The following GRIN2A variants were observed in gnomAD, a reference collection of about 807,000 sequenced individuals.
GRIN2A encodes the protein glutamate receptor ionotropic, NMDA 2A.
Under a neutral mutation model 113.4 loss-of-function variants are expected in GRIN2A, and 22 were observed. The observed-to-expected ratio is 0.19, with a 90% CI of 0.14 to 0.28. The LOEUF (loss-of-function observed/expected upper bound fraction) is 0.28, where lower values mean the gene tolerates loss of function less well. Among genes scored for constraint, GRIN2A ranks in the 10% least tolerant of loss-of-function variants. The pLI is 1.00. For synonymous variants in GRIN2A, 827 were observed against 738.4 expected, an observed-to-expected ratio of 1.12 and a Z score of -1.94; for missense variants, 1,502 against 1,887.0, an observed-to-expected ratio of 0.80 and a Z score of 3.78.
At chr16:9,914,204 A>C (rs1350781441) in intron 3 of GRIN2A, among the ~76,000 whole-genome samples, 1 of 152,216 alleles carries the variant, frequency 6.6e-6, no homozygotes, top group African/African-American at 2.4e-5. Flanking sequence ...ATTTAAAAAA[A>C]CGGCAAATCT....
chr16:10,079,432 A>G (rs1009833169), intron 2 of GRIN2A, among the ~76,000 whole-genome samples: 2 of 152,166 alleles, frequency 1.3e-5, no homozygotes, highest in African/African-American at 2.4e-5. Flanking sequence ...GGTAGGCACT[A>G]TGGTCTGAAT....
At chr16:9,875,968 T>C (rs1173454330) in intron 4 of GRIN2A, among the ~76,000 whole-genome samples, 1 of 152,154 alleles carries the variant, frequency 6.6e-6, no homozygotes, top group Non-Finnish European at 1.5e-5. Context: ...AGTTCCCTGT[T>C]GGTAGAAGAG....
At position 10,113,543 on chromosome 16, in the gene GRIN2A, T is replaced by C. The variant is rs148268627; in HGVS notation, c.414+66455A>G. ...TTGAAGGCTTTAACTTTGCACATTT[T>C]GGGATCACAGTTACATCACTGTGTA... On this transcript the variant is annotated intron_variant, in intron 2 of 12. Coordinates refer to ENST00000330684, the MANE Select transcript of GRIN2A (RefSeq NM_001134407.3). Among the ~76,000 whole-genome samples the C allele has an allele frequency of 3.1e-3, 471 of 152,370 alleles. 1 individual carries two copies. The highest frequency in any genetic ancestry group is 0.011 in the African/African-American group (443 of 41,594).
intron 11 of GRIN2A, among the ~76,000 whole-genome samples, chr16:9,792,238 T>C (rs1322057291): frequency 6.6e-6 from 1 of 152,148 alleles, no homozygotes; most frequent in African/African-American, 2.4e-5. Flanking sequence ...TAATTATTTT[T>C]TGGAGACAAG....
Position 10,020,146 on chromosome 16 carries a change from G to C in GRIN2A, c.415-81595C>G, listed in dbSNP as rs546625127. On this transcript the variant is annotated intron_variant, in intron 2 of 12. Transcript: ENST00000330684. ...ATGAAAAGATGGGCCAGGTGCAGTG[G>C]CTCACGCCTGTAATCCCAGCACTTT... Among the ~76,000 whole-genome samples the C allele has an allele frequency of 1.0e-3, 157 of 152,316 alleles. 1 individual carries two copies. The highest frequency in any genetic ancestry group is 3.6e-3 in the African/African-American group (151 of 41,560).
intron 4 of GRIN2A, among the ~76,000 whole-genome samples, chr16:9,862,054 C>A (rs539781747): frequency 6.6e-6 from 1 of 152,294 alleles, no homozygotes; most frequent in Non-Finnish European, 1.5e-5. Context: ...GACTTTTCAA[C>A]CAGCGTCCTA....
At chr16:10,104,349 G>T (rs936031412) in intron 2 of GRIN2A, among the ~76,000 whole-genome samples, 3 of 152,140 alleles carry the variant, frequency 2.0e-5, no homozygotes, top group African/African-American at 7.2e-5. Flanking sequence ...TGAGGGAAAT[G>T]GTGGCAGCAA....
At chr16:9,870,628 C>CTTTTTTT (rs951273100) in intron 4 of GRIN2A, among the ~76,000 whole-genome samples, 2 of 138,194 alleles carry the variant, frequency 1.4e-5, no homozygotes, top group African/African-American at 2.7e-5. Flanking sequence ...AACTTTTTTT[C>CTTTTTTT]TTTTTTTTTT....
rs570502738 is a variant in GRIN2A at position 9,794,383 on chromosome 16, C to T, written c.2356+3894G>A. Among the ~76,000 whole-genome samples, 12 of 152,322 alleles carry T rather than the reference C, an allele frequency of 7.9e-5. No individual in the cohort carries two copies. In the East Asian group the frequency reaches 2.1e-3, roughly 27 times the overall value. ...TGTAACAAGAGATAAACACTCCATT[C>T]TAGAGGATGAATAATTAGGTACTGC... On this transcript the variant is annotated intron_variant, in intron 11 of 12. Coordinates refer to ENST00000330684, the MANE Select transcript of GRIN2A (RefSeq NM_001134407.3).
At chr16:9,875,370 T>C (rs2043344345) in intron 4 of GRIN2A, among the ~76,000 whole-genome samples, 1 of 152,138 alleles carries the variant, frequency 6.6e-6, no homozygotes, top group South Asian at 2.1e-4. Context: ...TCTCCCCCTG[T>C]TCCAAACCAG....
At chr16:9,882,359 G>T (rs1020966512) in intron 4 of GRIN2A, among the ~76,000 whole-genome samples, 2 of 152,176 alleles carry the variant, frequency 1.3e-5, no homozygotes, top group African/African-American at 4.8e-5. Flanking sequence ...CATAGCTTTT[G>T]TAAGATCTCC....
chr16:10,161,583 C>T (rs1404996167), intron 2 of GRIN2A, among the ~76,000 whole-genome samples: 4 of 152,270 alleles, frequency 2.6e-5, no homozygotes, highest in East Asian at 1.9e-4. Context: ...ATGTGCAGAG[C>T]GTGTGTTTAT....
rs2048112502 is a variant in GRIN2A, at chr16:10,087,887, C to T, written c.414+92111G>A. ...TTTTTTTTTTTTTGAGACAGGGTTT[C>T]ACCACGTTGCCCAGGCTGGTCTCGA... On this transcript the variant is annotated intron_variant, in intron 2 of 12. Coordinates refer to ENST00000330684, the MANE Select transcript of GRIN2A (RefSeq NM_001134407.3). 5.3e-5 allele frequency among the ~76,000 whole-genome samples: 3 copies of T among 56,422 alleles called. No individual in the cohort carries two copies. The South Asian group carries it at 3.1e-3, about 59-fold the overall frequency. 37.0% of individuals were successfully genotyped at this position (56,422 alleles called of 152,430 possible). A position where few individuals can be genotyped will look rare whatever the true frequency, so the allele number is the denominator to read the frequency against.
intron 2 of GRIN2A, among the ~76,000 whole-genome samples, chr16:10,063,453 T>C (rs2061802124): frequency 6.6e-6 from 1 of 152,214 alleles, no homozygotes; most frequent in African/African-American, 2.4e-5. Context: ...TAACCTGGTA[T>C]TTGGCTTCTA....
At chr16:10,054,918 G>A (rs906837266) in intron 2 of GRIN2A, among the ~76,000 whole-genome samples, 1 of 151,068 alleles carries the variant, frequency 6.6e-6, no homozygotes, top group Non-Finnish European at 1.5e-5. Context: ...ATGGTGGCAC[G>A]CGTCTGTAGT....
At chr16:9,848,139 A>C (rs1381411369) in intron 5 of GRIN2A, among the ~76,000 whole-genome samples, 2 of 148,146 alleles carry the variant, frequency 1.4e-5, no homozygotes, top group Non-Finnish European at 3.0e-5. Flanking sequence ...AATAGTTTAT[A>C]TATAAAATAT....
intron 10 of GRIN2A, among the ~76,000 whole-genome samples, chr16:9,816,023 G>A (rs1019781025): frequency 9.9e-5 from 15 of 152,188 alleles, no homozygotes; most frequent in African/African-American, 3.1e-4. Context: ...GACAAATACC[G>A]TATGATTCCA....
At chr16:9,880,076 C>T (rs985230526) in intron 4 of GRIN2A, among the ~76,000 whole-genome samples, 26 of 152,282 alleles carry the variant, frequency 1.7e-4, no homozygotes, top group Non-Finnish European at 2.5e-4. Flanking sequence ...GAAGTCCCAG[C>T]GGGCTCAGCT....
In GRIN2A at chr16:9,824,093, A is replaced by C. The variant is rs16966420; in HGVS notation, c.2008-1669T>G. ...CACTTCACTGTTAATTAAAATTTCCAGTTGAAAATCGTTTTCCCTAAATTA... is the reference window on the plus strand; with the variant it reads ...CACTTCACTGTTAATTAAAATTTCCCGTTGAAAATCGTTTTCCCTAAATTA... On this transcript the variant is annotated intron_variant, in intron 9 of 12. Transcript: ENST00000330684. Among the ~76,000 whole-genome samples the C allele has an allele frequency of 3.3e-3, 509 of 152,290 alleles. 2 individuals carry two copies. Among genetic ancestry groups the C allele is most frequent in the African/African-American group, 0.012 (480 of 41,556 alleles).
Sources: allele counts gnomAD v4.1 joint callset (sites outside exome capture counted in the v4.1 genomes callset), GRCh38; gene constraint gnomAD v4.1.1; transcripts MANE v1.5; gene names NCBI Gene and HGNC (gene_info 2026-07-23, HGNC 2026-07-21).